PARD3B: variants seen among roughly 807,000 people sequenced by gnomAD.
PARD3B encodes the protein par-3 family cell polarity regulator beta, also known as partitioning defective 3 homolog B.
Under a neutral mutation model 130.2 loss-of-function variants are expected in PARD3B, and 103 were observed. That is an observed-to-expected ratio of 0.79 (90% CI 0.67 to 0.93). PARD3B has a LOEUF of 0.93. PARD3B is among the 40% of genes least tolerant of loss of function. The pLI is 0.00. For missense variants in PARD3B, 1,609 were observed against 1,499.2 expected (o/e 1.07, Z -1.21); for synonymous variants, 583 against 553.2 (o/e 1.05, Z -0.76).
chr2:204,679,996 T>A (rs1311774115), intron 1 of PARD3B, among the ~76,000 whole-genome samples: 1 of 152,046 alleles, frequency 6.6e-6, no homozygotes, highest in Admixed American at 6.5e-5. Flanking sequence ...TACATATCCA[T>A]GAGAAAGAGA....
rs577638489 is a variant in PARD3B, at chr2:204,921,819, G to T, written c.223-43333G>T. Among the ~76,000 whole-genome samples, 5 of 152,210 alleles carry T rather than the reference G, an allele frequency of 3.3e-5. No individual in the cohort carries two copies. The East Asian group carries it at 7.7e-4, about 23-fold the overall frequency. On this transcript the variant is annotated intron_variant, in intron 2 of 22. Coordinates refer to ENST00000406610, the MANE Select transcript of PARD3B (RefSeq NM_001302769.2). ...AAGAGATATCAAATAGGGGACTATT[G>T]CAATAAGTCAGATAAGAGGTGAGGG...
chr2:204,564,293 A>G (rs549499963), intron 1 of PARD3B, among the ~76,000 whole-genome samples: 1 of 152,286 alleles, frequency 6.6e-6, no homozygotes, highest in South Asian at 2.1e-4. Flanking sequence ...TTTCCTGGGC[A>G]CTCAGAAGGA....
At position 204,689,295 on chromosome 2, in the gene PARD3B, AACT is replaced by A. The variant is rs1470445723; in HGVS notation, c.222+3014_222+3016del. On this transcript the variant is annotated intron_variant, in intron 2 of 22. Coordinates refer to ENST00000406610, the MANE Select transcript of PARD3B (RefSeq NM_001302769.2). This position sits in a 1 kb window ranked among gnomAD's most constrained non-coding sequence, Gnocchi z 5.2. Reference sequence around the variant, plus strand: ...TCTGCTTGGGAGCTTTGGTTTTTTAAACTTGCTTTCCTAGTACAGCTTCCACGG... The same window carrying A: ...TCTGCTTGGGAGCTTTGGTTTTTTAATGCTTTCCTAGTACAGCTTCCACGG... Among the ~76,000 whole-genome samples the A allele has an allele frequency of 6.6e-6, 1 of 152,084 alleles. No homozygotes were observed. The highest frequency in any genetic ancestry group is 1.5e-5 in the Non-Finnish European group (1 of 68,012).
intron 1 of PARD3B, among the ~76,000 whole-genome samples, chr2:204,619,839 A>G (rs1018081836): frequency 2.6e-5 from 4 of 152,198 alleles, no homozygotes; most frequent in African/African-American, 9.6e-5. Context: ...CTTTCTGATA[A>G]TAATGGCTTA....
chr2:204,636,240 C>T (rs2034870272), intron 1 of PARD3B, among the ~76,000 whole-genome samples: 2 of 152,064 alleles, frequency 1.3e-5, no homozygotes, highest in Non-Finnish European at 2.9e-5. Context: ...ACTGTAGACC[C>T]AGAGCTGTAC....
intron 2 of PARD3B, among the ~76,000 whole-genome samples, chr2:204,898,882 C>T (rs569488935): frequency 6.6e-6 from 1 of 152,100 alleles, no homozygotes; most frequent in South Asian, 2.1e-4. Context: ...TGACCTTTGT[C>T]TCTTTTTATG....
chr2:205,063,796 A>G (rs1700198085), intron 4 of PARD3B, among the ~76,000 whole-genome samples: 1 of 152,214 alleles, frequency 6.6e-6, no homozygotes, highest in African/African-American at 2.4e-5. Flanking sequence ...AAGGGAATAG[A>G]ACATATAAGA....
In PARD3B at chr2:204,943,961, A is replaced by G. The variant is rs1912536; in HGVS notation, c.223-21191A>G. Among the ~76,000 whole-genome samples the G allele has an allele frequency of 0.25, 38,177 of 152,174 alleles. 5,140 individuals are homozygous for G. Among genetic ancestry groups the G allele is most frequent in the African/African-American group, 0.28 (11,600 of 41,496 alleles). On this transcript the variant is annotated intron_variant, in intron 2 of 22. Transcript: ENST00000406610. This position sits in a 1 kb window ranked among gnomAD's most constrained non-coding sequence, Gnocchi z 4.2. ...GTAAAAGTAGAAAAGGGGACTAAAC[A>G]TTCAAAATTACATCACCTCAGGGAA...
chr2:205,444,791 A>G (rs1209191092), intron 20 of PARD3B, among the ~76,000 whole-genome samples: 1 of 152,202 alleles, frequency 6.6e-6, no homozygotes, highest in Non-Finnish European at 1.5e-5. Flanking sequence ...ACTTTAACTT[A>G]AAACAAAGAC....
At chr2:204,992,800 TG>T (rs1220162597) in intron 3 of PARD3B, among the ~76,000 whole-genome samples, 2 of 144,988 alleles carry the variant, frequency 1.4e-5, no homozygotes, top group Non-Finnish European at 3.0e-5. Context: ...TCCCATCCCT[TG>T]TAAGTTGGAT....
Position 205,007,101 on chromosome 2 carries a change from T to G in PARD3B, c.395-40480T>G, listed in dbSNP as rs184543256. ...AGTTTCCCTCATGCTGTTCTCATGA[T>G]AGTGAGTGAGTTCTTGTGAAATCTG... On this transcript the variant is annotated intron_variant, in intron 3 of 22. Coordinates refer to ENST00000406610, the MANE Select transcript of PARD3B (RefSeq NM_001302769.2). Among the ~76,000 whole-genome samples, 9 of 152,240 alleles carry G rather than the reference T, an allele frequency of 5.9e-5. No individual in the cohort carries two copies. In the East Asian group the frequency reaches 1.5e-3, roughly 26 times the overall value.
chr2:205,506,383 G>A (rs1437953530), intron 21 of PARD3B, among the ~76,000 whole-genome samples: 1 of 152,056 alleles, frequency 6.6e-6, no homozygotes, highest in Non-Finnish European at 1.5e-5. Context: ...CTGGCACAGG[G>A]GTTGGCTCAG....
chr2:204,936,214 G>A (rs567062106), intron 2 of PARD3B, among the ~76,000 whole-genome samples: 6 of 152,324 alleles, frequency 3.9e-5, no homozygotes, highest in South Asian at 4.1e-4. Flanking sequence ...CCCAGTGCAC[G>A]GCATGGGCCA....
chr2:204,920,305 A>G (rs1002191994), intron 2 of PARD3B, among the ~76,000 whole-genome samples: 1 of 152,088 alleles, frequency 6.6e-6, no homozygotes, highest in African/African-American at 2.4e-5. Context: ...CTCTGCATGT[A>G]TTTGCTAACC....
chr2:204,713,956 T>C (rs2125305395), intron 2 of PARD3B, among the ~76,000 whole-genome samples: 1 of 152,302 alleles, frequency 6.6e-6, no homozygotes, highest in South Asian at 2.1e-4. Context: ...GGTTTATTAT[T>C]GTTGATAGGC....
chr2:205,469,479 G>T (rs896449338), intron 20 of PARD3B, among the ~76,000 whole-genome samples: 1 of 152,166 alleles, frequency 6.6e-6, no homozygotes, highest in Admixed American at 6.5e-5. Context: ...TCCTACTAAA[G>T]TATCCTTAGA....
intron 2 of PARD3B, among the ~76,000 whole-genome samples, chr2:204,826,170 G>A (rs2043563082): frequency 6.6e-6 from 1 of 152,178 alleles, no homozygotes; most frequent in African/African-American, 2.4e-5. Flanking sequence ...GTATTATATA[G>A]TTTGGGGGCA....
intron 5 of PARD3B, among the ~76,000 whole-genome samples, chr2:205,109,228 G>A (rs142038430): frequency 6.6e-6 from 1 of 152,202 alleles, no homozygotes; most frequent in Non-Finnish European, 1.5e-5. Context: ...ATCAAGTAGA[G>A]TTCAAGGTTA....
chr2:205,521,479 T>C (rs2051053474), intron 21 of PARD3B, among the ~76,000 whole-genome samples: 1 of 152,076 alleles, frequency 6.6e-6, no homozygotes, highest in Non-Finnish European at 1.5e-5. Flanking sequence ...ACTTTTATTT[T>C]TGTGTAAACA....
Sources: allele counts gnomAD v4.1 joint callset (sites outside exome capture counted in the v4.1 genomes callset), GRCh38; gene constraint gnomAD v4.1.1; non-coding constraint Gnocchi (gnomAD v3.1); transcripts MANE v1.5; gene names NCBI Gene and HGNC (gene_info 2026-07-23, HGNC 2026-07-21).